Variants in DMXL1 observed in about 807,000 individuals in gnomAD.
DMXL1 encodes the protein dmX-like protein 1.
Under a neutral mutation model 319.2 loss-of-function variants are expected in DMXL1, and 99 were observed. That is an observed-to-expected ratio of 0.31 (90% CI 0.26 to 0.37). The LOEUF (loss-of-function observed/expected upper bound fraction) is 0.37, where lower values mean the gene tolerates loss of function less well. DMXL1 is among the 10% of genes least tolerant of loss of function. DMXL1 has a pLI of 1.00. For missense variants in DMXL1, 3,745 were observed against 3,595.6 expected (o/e 1.04, Z -1.06); for synonymous variants, 1,385 against 1,235.2 (o/e 1.12, Z -2.54).
At chr5:119,244,811 G>C (rs1789452214) in intron 43 of DMXL1, among the ~76,000 whole-genome samples, 1 of 152,106 alleles carries the variant, frequency 6.6e-6, no homozygotes. Flanking sequence ...AATTTTCCAT[G>C]AATATAAACA....
chr5:119,160,239 A>T (rs1314408540), intron 19 of DMXL1, among the ~76,000 whole-genome samples: 2 of 151,682 alleles, frequency 1.3e-5, no homozygotes, highest in South Asian at 4.2e-4. Context: ...CTGTTTTTGT[A>T]TTTGTTTGTC....
intron 1 of DMXL1, among the ~76,000 whole-genome samples, chr5:119,094,060 T>A (rs1399980252): frequency 1.3e-5 from 2 of 152,236 alleles, no homozygotes; most frequent in East Asian, 3.8e-4. Flanking sequence ...TGTAGAAGCT[T>A]CGGCATGTTA....
At chr5:119,201,062 T>C (rs1780617875) in intron 32 of DMXL1, among the ~76,000 whole-genome samples, 1 of 152,214 alleles carries the variant, frequency 6.6e-6, no homozygotes, top group Non-Finnish European at 1.5e-5. Flanking sequence ...CTTTTATTTC[T>C]TCCTCTTTCC....
At chr5:119,134,457 G>T in intron 13 of DMXL1, 68 bp downstream of exon 13, 2 of 1,328,404 alleles carry the variant, frequency 1.5e-6, no homozygotes, top group Non-Finnish European at 1.0e-6. Flanking sequence ...ATATTTATTG[G>T]GCATGTTCTA....
intron 34 of DMXL1, among the ~76,000 whole-genome samples, chr5:119,215,064 C>T (rs1783441804): frequency 6.6e-6 from 1 of 152,174 alleles, no homozygotes; most frequent in Admixed American, 6.5e-5. Flanking sequence ...ACATCATTAA[C>T]GGATGATCGG....
chr5:119,099,442 C>A (rs1480554323), intron 2 of DMXL1, among the ~76,000 whole-genome samples: 3 of 152,126 alleles, frequency 2.0e-5, no homozygotes, highest in African/African-American at 7.2e-5. Context: ...ATCTCCTGAC[C>A]TAGCGATTTG....
Position 119,105,232 on chromosome 5 carries a change from C to T in DMXL1, c.338C>T (p.Ala113Val). 6.2e-7 allele frequency: 1 copy of T among 1,612,962 alleles called. No homozygotes were observed. Among genetic ancestry groups the T allele is most frequent in the Non-Finnish European group, 8.5e-7 (1 of 1,179,220 alleles). ...KSGQFFLESIAHNITWDPTGS... is the reference protein window; with the variant it reads ...KSGQFFLESIVHNITWDPTGS... Reference sequence around the variant, plus strand: ...GGCCAATTTTTTCTGGAATCAATAGCACACAATATAACCTGGGATCCCACA... The same window carrying T: ...GGCCAATTTTTTCTGGAATCAATAGTACACAATATAACCTGGGATCCCACA... Residue 113 changes from alanine (A) to valine (V), a missense_variant, in exon 4 of 44, where the codon GCA (alanine) becomes GTA (valine). Physicochemically the swap from Ala to Val is moderately conservative, Grantham distance 64. Coordinates refer to ENST00000539542, the MANE Select transcript of DMXL1 (RefSeq NM_001290321.3).
intron 32 of DMXL1, among the ~76,000 whole-genome samples, chr5:119,202,614 G>A (rs1347429721): frequency 6.6e-6 from 1 of 151,904 alleles, no homozygotes; most frequent in Admixed American, 6.6e-5. Flanking sequence ...CACTTTGGAA[G>A]GCCGAAGTGG....
Position 119,247,958 on chromosome 5 carries a change from A to T in DMXL1, c.*739A>T, listed in dbSNP as rs1394760999. 6.6e-6 allele frequency: 1 copy of T among 152,134 alleles called. No individual in the cohort carries two copies. The highest frequency in any genetic ancestry group is 1.5e-5 in the Non-Finnish European group (1 of 68,000). The allele number at this position is 152,134 out of a possible 1,614,324, so 9.4% of individuals were successfully genotyped here. A position where few individuals can be genotyped will look rare whatever the true frequency, so the allele number is the denominator to read the frequency against. On this transcript the variant is annotated 3_prime_UTR_variant, in exon 44 of 44. Coordinates refer to ENST00000539542, the MANE Select transcript of DMXL1 (RefSeq NM_001290321.3). ...TTGCAACTGTGCTTTTCATTTTTAA[A>T]AAATTTTTGAATTCCCATCCTAATT...
chr5:119,202,101 C>G (rs952901391), intron 32 of DMXL1, among the ~76,000 whole-genome samples: 1 of 151,790 alleles, frequency 6.6e-6, no homozygotes, highest in African/African-American at 2.4e-5. Flanking sequence ...TATTTTTTAT[C>G]TTCTGCTAGC....
At chr5:119,143,978 A>G in intron 14 of DMXL1, 48 bp downstream of exon 14, 1 of 1,206,588 alleles carries the variant, frequency 8.3e-7, no homozygotes, top group South Asian at 1.4e-5. Flanking sequence ...AAGTTTATGA[A>G]AGCATTTTGC....
rs754245736 is a variant in DMXL1 at position 119,197,742 on chromosome 5, G to A, written c.7544-13G>A. ...CTGCATAAGATTAATATGAGTCAATGTTCCCATTTTAGAGCTTCCAGTTAG... is the reference window on the plus strand; with the variant it reads ...CTGCATAAGATTAATATGAGTCAATATTCCCATTTTAGAGCTTCCAGTTAG... On this transcript the variant is annotated splice_polypyrimidine_tract_variant and intron_variant, in intron 31 of 43. Transcript: ENST00000539542. The A allele has an allele frequency of 6.8e-6, 11 of 1,612,046 alleles. No homozygotes were observed. Among genetic ancestry groups the A allele is most frequent in the Non-Finnish European group, 9.3e-6 (11 of 1,178,716 alleles).
intron 1 of DMXL1, among the ~76,000 whole-genome samples, chr5:119,079,398 GC>G (rs943981852): frequency 6.6e-6 from 1 of 152,190 alleles, no homozygotes; most frequent in African/African-American, 2.4e-5. Flanking sequence ...TGGGAGCTCA[GC>G]CCTAAAGTTA....
At chr5:119,093,909 C>G (rs574045220) in intron 1 of DMXL1, among the ~76,000 whole-genome samples, 13 of 152,290 alleles carry the variant, frequency 8.5e-5, no homozygotes, top group South Asian at 2.1e-4. Context: ...CCTAACTCTT[C>G]TCAATTCCGT....
At chr5:119,074,964 GTAT>G (rs1750486578) in intron 1 of DMXL1, among the ~76,000 whole-genome samples, 1 of 152,234 alleles carries the variant, frequency 6.6e-6, no homozygotes, top group Admixed American at 6.5e-5. Context: ...GACTAAAAGA[GTAT>G]TATTCATAGA....
intron 37 of DMXL1, 110 bp downstream of exon 37, chr5:119,221,191 T>G: frequency 1.3e-6 from 1 of 757,670 alleles, no homozygotes; most frequent in South Asian, 3.0e-5. Context: ...AAAGTTTTAG[T>G]AAGTCTTACA....
chr5:119,202,889 A>ATATATATATATATATATTTATATATTTT (rs1781041414), intron 32 of DMXL1, among the ~76,000 whole-genome samples: 1 of 141,420 alleles, frequency 7.1e-6, no homozygotes, highest in African/African-American at 2.6e-5. Flanking sequence ...ATATTTTTAT[A>ATATATATATATATATATTTATATATTTT]TATATATATA....
intron 29 of DMXL1, 77 bp from the exon 30 acceptor site, chr5:119,193,751 T>G: frequency 1.5e-6 from 2 of 1,367,970 alleles, no homozygotes; most frequent in Non-Finnish European, 2.0e-6. Context: ...TGAGATGAAT[T>G]ATTACTATTA....
chr5:119,153,363 G>A (rs1770272624), intron 19 of DMXL1, among the ~76,000 whole-genome samples: 1 of 152,140 alleles, frequency 6.6e-6, no homozygotes, highest in African/African-American at 2.4e-5. Flanking sequence ...TCTGATATAT[G>A]TATACAAAGT....
Sources: gnomAD v4.1 joint callset for allele counts (sites outside exome capture counted in the v4.1 genomes callset) on GRCh38, gnomAD v4.1.1 for gene constraint, MANE v1.5 for transcripts, NCBI Gene and HGNC (gene_info 2026-07-23, HGNC 2026-07-21) for gene names.